Variants in KAT2B observed in about 807,000 individuals in gnomAD.
KAT2B encodes histone acetyltransferase KAT2B.
KAT2B carries 36 observed loss-of-function variants against 105.9 expected under a neutral mutation model. That is an observed-to-expected ratio of 0.34 (90% CI 0.26 to 0.45). The LOEUF (loss-of-function observed/expected upper bound fraction) is 0.45, where lower values mean the gene tolerates loss of function less well. KAT2B is among the 20% of genes least tolerant of loss of function. The probability of loss-of-function intolerance (pLI) is 1.00; values close to 1 mark genes in which losing one functional copy is unlikely to be tolerated. For missense variants in KAT2B, 820 were observed against 1,021.6 expected, an observed-to-expected ratio of 0.80 and a Z score of 2.69; for synonymous variants, 397 against 377.9, an observed-to-expected ratio of 1.05 and a Z score of -0.59.
intron 1 of KAT2B, among the ~76,000 whole-genome samples, chr3:20,046,452 C>T (rs62243076): frequency 0.15 from 23,113 of 152,082 alleles, 2,009 homozygotes; most frequent in Non-Finnish European, 0.19. Flanking sequence ...CATGATGGTG[C>T]GTGCCTGTAG....
chr3:20,143,842 G>A (rs1457232721), intron 13 of KAT2B, among the ~76,000 whole-genome samples: 1 of 152,090 alleles, frequency 6.6e-6, no homozygotes, highest in African/African-American at 2.4e-5. Context: ...GGGGATATAT[G>A]CTCACAAAGA....
At chr3:20,093,240 G>A (rs1029246586) in intron 2 of KAT2B, among the ~76,000 whole-genome samples, 3 of 152,206 alleles carry the variant, frequency 2.0e-5, no homozygotes, top group African/African-American at 4.8e-5. Context: ...CCAATAAAGA[G>A]TGAATTACTA....
At chr3:20,062,273 A>AATATATG (rs1698143353) in intron 1 of KAT2B, among the ~76,000 whole-genome samples, 1 of 60,718 alleles carries the variant, frequency 1.6e-5, no homozygotes, top group Non-Finnish European at 3.4e-5. Context: ...TATAATATAT[A>AATATATG]ATATATAAAA....
Position 20,081,878 on chromosome 3 carries a change from C to CATATATATATATATATATATATATATAT in KAT2B, c.430+9431_430+9432insATATATATATATATATATATATATATAT, listed in dbSNP as rs139743528. Among the ~76,000 whole-genome samples, 306 of 140,420 alleles carry CATATATATATATATATATATATATATAT rather than the reference C, an allele frequency of 2.2e-3. 7 individuals are homozygous for CATATATATATATATATATATATATATAT. Among genetic ancestry groups the CATATATATATATATATATATATATATAT allele is most frequent in the African/African-American group, 7.9e-3 (278 of 35,046 alleles). The allele number at this position is 140,420 out of a possible 152,430, so 92.1% of individuals were successfully genotyped here. On this transcript the variant is annotated intron_variant, in intron 2 of 17. Coordinates refer to ENST00000263754, the MANE Select transcript of KAT2B (RefSeq NM_003884.5). ...TTTATTTTATTTGCTGTCATTGGCT[C>CATATATATATATATATATATATATATAT]ATATATATATATGTATAAATGTATA...
intron 5 of KAT2B, among the ~76,000 whole-genome samples, chr3:20,106,998 T>TAC (rs1161933878): frequency 7.4e-5 from 3 of 40,684 alleles, no homozygotes; most frequent in Non-Finnish European, 1.3e-4. Flanking sequence ...TATATATATA[T>TAC]ATATATATAT....
intron 7 of KAT2B, among the ~76,000 whole-genome samples, chr3:20,117,431 C>T (rs768706191): frequency 6.6e-6 from 1 of 152,126 alleles, no homozygotes; most frequent in Non-Finnish European, 1.5e-5. Flanking sequence ...AAGGATGAAC[C>T]TGAAATTTTA....
In KAT2B at chr3:20,152,553, C is replaced by G. The variant is rs1365545712; in HGVS notation, c.*28C>G. ...TTTTTTCCCCTCTGCTTCTTAGAAACTCACCAAGCAGTGTGCCTAAAGCAA... is the reference window on the plus strand; with the variant it reads ...TTTTTTCCCCTCTGCTTCTTAGAAAGTCACCAAGCAGTGTGCCTAAAGCAA... On this transcript the variant is annotated 3_prime_UTR_variant, in exon 18 of 18. Coordinates refer to ENST00000263754, the MANE Select transcript of KAT2B (RefSeq NM_003884.5). 6 of 1,581,102 alleles carry G rather than the reference C, an allele frequency of 3.8e-6. No homozygotes were observed. The highest frequency in any genetic ancestry group is 5.2e-6 in the Non-Finnish European group (6 of 1,153,416).
At chr3:20,105,894 C>A (rs1228209465) in intron 5 of KAT2B, among the ~76,000 whole-genome samples, 1 of 151,878 alleles carries the variant, frequency 6.6e-6, no homozygotes, top group African/African-American at 2.4e-5. Flanking sequence ...TTTATTTAGC[C>A]ATTCTTCTAT....
intron 1 of KAT2B, among the ~76,000 whole-genome samples, chr3:20,063,346 C>G (rs13066876): frequency 0.17 from 26,253 of 150,692 alleles, 2,983 homozygotes; most frequent in Non-Finnish European, 0.26. Flanking sequence ...ACCTGGCCGC[C>G]TGTGCTTTTG....
chr3:20,138,620 A>G (rs950548993), intron 12 of KAT2B, among the ~76,000 whole-genome samples: 1 of 152,168 alleles, frequency 6.6e-6, no homozygotes, highest in African/African-American at 2.4e-5. Context: ...TAAATTGTGT[A>G]TGTTTGAATT....
At chr3:20,100,595 T>G (rs936859027) in intron 4 of KAT2B, among the ~76,000 whole-genome samples, 5 of 152,240 alleles carry the variant, frequency 3.3e-5, no homozygotes, top group African/African-American at 1.2e-4. Context: ...GAAGTCATGA[T>G]ACCAGAATCC....
At chr3:20,091,168 G>A (rs1050764431) in intron 2 of KAT2B, among the ~76,000 whole-genome samples, 1 of 152,022 alleles carries the variant, frequency 6.6e-6, no homozygotes, top group Admixed American at 6.6e-5. Flanking sequence ...TTTAATTACT[G>A]ATTCAGTCTC....
intron 2 of KAT2B, among the ~76,000 whole-genome samples, chr3:20,074,586 A>AT (rs1698385501): frequency 6.6e-6 from 1 of 152,212 alleles, no homozygotes; most frequent in South Asian, 2.1e-4. Context: ...GGGTTCTTTT[A>AT]CTTCACACAG....
intron 7 of KAT2B, 85 bp from the exon 8 acceptor site, chr3:20,119,513 G>C: frequency 7.0e-7 from 1 of 1,420,912 alleles, no homozygotes; most frequent in Non-Finnish European, 9.9e-7. Context: ...GGGCAGGAGT[G>C]GGGTGGTCCC....
In KAT2B at chr3:20,146,308, C is replaced by T; in HGVS notation, c.2005-8C>T. On this transcript the variant is annotated splice_polypyrimidine_tract_variant and splice_region_variant and intron_variant, in intron 13 of 17. Transcript: ENST00000263754. ...TCCCTAAACACATTTCCTTCCTGTG[C>T]TTTACAGATAATTAAAAAACTGATT... 2 of 1,495,242 alleles carry T rather than the reference C, an allele frequency of 1.3e-6. No individual in the cohort carries two copies. The highest frequency in any genetic ancestry group is 1.4e-5 in the African/African-American group (1 of 72,648). 92.6% of individuals were successfully genotyped at this position (1,495,242 alleles called of 1,614,324 possible).
chr3:20,133,426 T>TA (rs1699545363), intron 11 of KAT2B, among the ~76,000 whole-genome samples: 1 of 51,658 alleles, frequency 1.9e-5, no homozygotes, highest in African/African-American at 1.2e-4. Flanking sequence ...TACATGTGAC[T>TA]AATATTACCA....
intron 1 of KAT2B, among the ~76,000 whole-genome samples, chr3:20,057,060 C>G (rs1313118691): frequency 6.6e-6 from 1 of 152,138 alleles, no homozygotes; most frequent in Non-Finnish European, 1.5e-5. Flanking sequence ...AGTATTTCTT[C>G]TAGTTGGCTG....
chr3:20,140,107 T>G, intron 12 of KAT2B, 114 bp from the exon 13 acceptor site: 1 of 689,570 alleles, frequency 1.5e-6, no homozygotes, highest in Non-Finnish European at 2.5e-6. Context: ...AATAGTACAA[T>G]GAGAACTTCA....
Position 20,148,295 on chromosome 3 carries a change from C to A in KAT2B, c.2209C>A (p.Gln737Lys). The stretch of plus-strand genomic sequence containing the variant: ...TTACAGCACGCTCAAGAGCATCCTC[C>A]AGCAGGTGAAGGTGGGTGTCCTCTT... ...QLYSTLKSIL[Q>K]QVKSHQSAWP... The change falls in exon 16 of 18, where the codon CAG (glutamine) becomes AAG (lysine). Residue 737 changes from glutamine (Q) to lysine (K), a missense_variant. Around this residue, in one of 6 missense-constraint regions of KAT2B, gnomAD observed 227 missense variants for 292.9 expected, o/e 0.77. Coordinates refer to ENST00000263754, the MANE Select transcript of KAT2B (RefSeq NM_003884.5). 6.2e-7 allele frequency: 1 copy of A among 1,613,992 alleles called. No individual in the cohort carries two copies. Among genetic ancestry groups the A allele is most frequent in the Non-Finnish European group, 8.5e-7 (1 of 1,179,868 alleles).
Sources: gnomAD v4.1 joint callset for allele counts (sites outside exome capture counted in the v4.1 genomes callset) on GRCh38, gnomAD v4.1.1 for gene constraint, gnomAD v4.1.1 regional missense constraint, MANE v1.5 for transcripts, NCBI Gene and HGNC (gene_info 2026-07-23, HGNC 2026-07-21) for gene names.